TMEM131: variants seen among roughly 807,000 people sequenced by gnomAD.
The protein encoded by TMEM131 is 2610524E03Rik.
A neutral mutation model predicts 211.6 loss-of-function variants in TMEM131; 66 were observed. That is an observed-to-expected ratio of 0.31 (90% CI 0.26 to 0.38). The LOEUF is 0.38. Among genes scored for constraint, TMEM131 ranks in the 10% least tolerant of loss-of-function variants. TMEM131 has a pLI of 1.00. For synonymous variants in TMEM131, 844 were observed against 841.3 expected, an observed-to-expected ratio of 1.00 and a Z score of -0.06; for missense variants, 2,036 against 2,299.3, an observed-to-expected ratio of 0.89 and a Z score of 2.34.
At chr2:97,850,127 A>G (rs1326929906) in intron 5 of TMEM131, among the ~76,000 whole-genome samples, 5 of 152,026 alleles carry the variant, frequency 3.3e-5, no homozygotes, top group Non-Finnish European at 5.9e-5. Context: ...AAAACAAAAC[A>G]TGACAATATC....
At chr2:97,988,186 A>G (rs945193612) in intron 1 of TMEM131, among the ~76,000 whole-genome samples, 6 of 152,358 alleles carry the variant, frequency 3.9e-5, no homozygotes, top group African/African-American at 1.4e-4. Flanking sequence ...TCATACAAGG[A>G]CACAAAGACT....
chr2:97,911,036 G>C (rs1676269841), intron 2 of TMEM131, among the ~76,000 whole-genome samples: 1 of 152,136 alleles, frequency 6.6e-6, no homozygotes, highest in South Asian at 2.1e-4. Flanking sequence ...ATTTCCACCA[G>C]CCCAAACTTC....
At chr2:97,914,289 T>G (rs114794080) in intron 2 of TMEM131, among the ~76,000 whole-genome samples, 1 of 152,322 alleles carries the variant, frequency 6.6e-6, no homozygotes, top group Non-Finnish European at 1.5e-5. Context: ...TTTAACTCAG[T>G]TTCCCCACTG....
chr2:97,835,229 C>G (rs959287366), intron 8 of TMEM131, among the ~76,000 whole-genome samples: 1 of 152,190 alleles, frequency 6.6e-6, no homozygotes, highest in African/African-American at 2.4e-5. Flanking sequence ...TAAAACTAAT[C>G]TACAAAATCA....
intron 40 of TMEM131, among the ~76,000 whole-genome samples, chr2:97,757,624 C>T (rs1286395135): frequency 6.6e-6 from 1 of 152,226 alleles, no homozygotes; most frequent in East Asian, 1.9e-4. Context: ...CAGCCTCAAA[C>T]TCCTGGGCTC....
At chr2:97,843,859 G>A in intron 6 of TMEM131, among the ~76,000 whole-genome samples, 1 of 151,948 alleles carries the variant, frequency 6.6e-6, no homozygotes. Context: ...GTGTGTAAAA[G>A]TAAAAATTAA....
chr2:97,974,623 T>C (rs1679451514), intron 1 of TMEM131, among the ~76,000 whole-genome samples: 1 of 150,466 alleles, frequency 6.6e-6, no homozygotes, highest in Admixed American at 6.6e-5. Context: ...ACATGTTATA[T>C]ACAGAGGAAC....
chr2:97,791,030 C>G (rs1308570693), intron 31 of TMEM131, among the ~76,000 whole-genome samples: 1 of 152,184 alleles, frequency 6.6e-6, no homozygotes, highest in Non-Finnish European at 1.5e-5. Context: ...GCCCAAAACT[C>G]CTTGGTAAAC....
At chr2:97,949,343 C>T (rs191738753) in intron 1 of TMEM131, among the ~76,000 whole-genome samples, 1 of 152,154 alleles carries the variant, frequency 6.6e-6, no homozygotes, top group Admixed American at 6.5e-5. Flanking sequence ...GAAGAACTGT[C>T]GCCTGGGATT....
intron 1 of TMEM131, among the ~76,000 whole-genome samples, chr2:97,929,790 T>C (rs1677142975): frequency 6.6e-6 from 1 of 151,804 alleles, no homozygotes; most frequent in Non-Finnish European, 1.5e-5. Flanking sequence ...ACCTTTTTGC[T>C]CAGGTACAAT....
intron 2 of TMEM131, 153 bp downstream of exon 2, chr2:97,927,273 G>A: frequency 2.1e-6 from 1 of 482,712 alleles, no homozygotes; most frequent in Non-Finnish European, 3.5e-6. Flanking sequence ...AACTACAGAG[G>A]TTTTTATATT....
At chr2:97,859,706 C>T (rs1431255946) in intron 4 of TMEM131, among the ~76,000 whole-genome samples, 1 of 152,200 alleles carries the variant, frequency 6.6e-6, no homozygotes, top group African/African-American at 2.4e-5. Flanking sequence ...GGACGGGGCA[C>T]AAAATGGTCA....
At chr2:97,876,479 G>GCAC (rs1469057066) in intron 4 of TMEM131, among the ~76,000 whole-genome samples, 2 of 150,124 alleles carry the variant, frequency 1.3e-5, no homozygotes, top group African/African-American at 2.4e-5. Context: ...AAACTGAATA[G>GCAC]CACATCAAAA....
chr2:97,797,109 T>A (rs1414230346), intron 26 of TMEM131, 123 bp from the exon 27 acceptor site: 1 of 1,117,880 alleles, frequency 8.9e-7, no homozygotes, highest in Non-Finnish European at 1.2e-6. Flanking sequence ...TGAGAATTTA[T>A]ACTTTAAGAA....
At chr2:97,938,989 A>C (rs1677582890) in intron 1 of TMEM131, among the ~76,000 whole-genome samples, 1 of 152,230 alleles carries the variant, frequency 6.6e-6, no homozygotes, top group Admixed American at 6.5e-5. Flanking sequence ...ATGAGAACAA[A>C]GACACAACAT....
At chr2:97,787,262 G>A (rs533747247) in intron 31 of TMEM131, among the ~76,000 whole-genome samples, 62 of 152,286 alleles carry the variant, frequency 4.1e-4, no homozygotes, top group Middle Eastern at 3.4e-3. Context: ...TGAATGAATC[G>A]TTAGTCTGAG....
intron 1 of TMEM131, among the ~76,000 whole-genome samples, chr2:97,966,738 TCAATACTCACAC>T (rs1395118378): frequency 5.3e-5 from 8 of 152,280 alleles, no homozygotes; most frequent in African/African-American, 1.7e-4. Flanking sequence ...TACAGATGAT[TCAATACTCACAC>T]CAACCCTAGA....
At chr2:97,860,557 C>T (rs1178380142) in intron 4 of TMEM131, among the ~76,000 whole-genome samples, 1 of 152,194 alleles carries the variant, frequency 6.6e-6, no homozygotes, top group Non-Finnish European at 1.5e-5. Flanking sequence ...TTCAACTGTC[C>T]ACCATGCTTT....
rs1172779793 is a variant in TMEM131 at position 97,814,158 on chromosome 2, G to A, written c.1447-17C>T. ...GTTGTGAACCTGAGAAATGACAGAA[G>A]AGAAAAAAAACAAAGTGTCAGCATC... is the stretch of plus-strand genomic sequence containing the variant. On this transcript the variant is annotated splice_polypyrimidine_tract_variant and intron_variant, in intron 14 of 40. Transcript: ENST00000186436. 1 of 1,610,200 alleles carries A rather than the reference G, an allele frequency of 6.2e-7. No individual in the cohort carries two copies.
Sources: gnomAD v4.1 joint callset for allele counts (sites outside exome capture counted in the v4.1 genomes callset) on GRCh38, gnomAD v4.1.1 for gene constraint, MANE v1.5 for transcripts, NCBI Gene and HGNC (gene_info 2026-07-23, HGNC 2026-07-21) for gene names.